The following CCDC97 variants were observed in gnomAD, a reference collection of about 807,000 sequenced individuals.
CCDC97 encodes coiled-coil domain containing 97, also known as coiled-coil domain-containing protein 97.
Under a neutral mutation model 33.9 loss-of-function variants are expected in CCDC97, and 27 were observed. That is an observed-to-expected ratio of 0.80 (90% CI 0.59 to 1.10). The LOEUF is 1.10. Among genes scored for constraint, CCDC97 ranks in the 50% least tolerant of loss-of-function variants. The pLI, the probability that CCDC97 is intolerant of heterozygous loss-of-function variation, is 0.00. For synonymous variants in CCDC97, 217 were observed against 194.0 expected, an observed-to-expected ratio of 1.12 and a Z score of -0.99; for missense variants, 422 against 476.6, an observed-to-expected ratio of 0.89 and a Z score of 1.07.
Position 41,320,489 on chromosome 19 carries a change from C to T in CCDC97, c.911+19C>T, listed in dbSNP as rs2037811665. 1 of 1,613,264 alleles carries T rather than the reference C, an allele frequency of 6.2e-7. No homozygotes were observed. Among genetic ancestry groups the T allele is most frequent in the Non-Finnish European group, 8.5e-7 (1 of 1,179,678 alleles). On this transcript the variant is annotated intron_variant, in intron 4 of 4. Transcript: ENST00000269967. ...ACTACAGGTGCTCCTGTGCCTCCACCTCCCCATCCCCCAGCCCAGCATCCC... is the reference window on the plus strand; with the variant it reads ...ACTACAGGTGCTCCTGTGCCTCCACTTCCCCATCCCCCAGCCCAGCATCCC...
At chr19:41,311,424 C>T (rs776888426) in intron 1 of CCDC97, among the ~76,000 whole-genome samples, 6 of 151,282 alleles carry the variant, frequency 4.0e-5, no homozygotes, top group Non-Finnish European at 7.4e-5. Flanking sequence ...AGCCAGACCC[C>T]ATCTCTACAA....
intron 2 of CCDC97, among the ~76,000 whole-genome samples, chr19:41,317,217 T>C (rs1286125024): frequency 3.9e-5 from 6 of 152,050 alleles, no homozygotes; most frequent in East Asian, 1.9e-4. Context: ...AAAAGGAGTA[T>C]GTACATGACC....
intron 4 of CCDC97, among the ~76,000 whole-genome samples, chr19:41,321,986 T>C (rs1440360774): frequency 6.6e-6 from 1 of 152,206 alleles, no homozygotes; most frequent in African/African-American, 2.4e-5. Flanking sequence ...AATGTCAAAA[T>C]GCCGTGGGGG....
At chr19:41,312,131 T>C (rs2037692976) in intron 1 of CCDC97, among the ~76,000 whole-genome samples, 1 of 152,330 alleles carries the variant, frequency 6.6e-6, no homozygotes, top group African/African-American at 2.4e-5. Context: ...TTGCCCAGGC[T>C]GGAGTGCAGT....
intron 1 of CCDC97, chr19:41,310,916 A>G: frequency 1.0e-6 from 1 of 979,118 alleles, no homozygotes; most frequent in Non-Finnish European, 1.2e-6. Flanking sequence ...CTTCAAAGTA[A>G]TCCGACGTCG....
intron 4 of CCDC97, 92 bp from the exon 5 acceptor site, chr19:41,322,503 T>C (rs1045359154): frequency 5.7e-6 from 8 of 1,403,234 alleles, no homozygotes; most frequent in Non-Finnish European, 7.8e-6. Flanking sequence ...TGCCAGCACA[T>C]GGCCTTTGAC....
chr19:41,316,424 C>T lies in CCDC97; in HGVS notation c.87C>T (p.Ser29=), dbSNP rs765278151. 22 of 1,613,790 alleles carry T rather than the reference C, an allele frequency of 1.4e-5. No homozygotes were observed. Among genetic ancestry groups the T allele is most frequent in the African/African-American group, 2.7e-5 (2 of 74,924 alleles). Residue 29 remains serine, a synonymous_variant, in exon 2 of 5, where the codon AGC becomes AGT. Coordinates refer to ENST00000269967, the MANE Select transcript of CCDC97 (RefSeq NM_052848.3). The part of the protein sequence containing the change: ...EPGPGHWGEL[S]RTPVPSKPQD... ...GACCTGGGCACTGGGGTGAGCTGAG[C>T]CGGACACCAGTCCCATCTAAACCCC...
intron 1 of CCDC97, among the ~76,000 whole-genome samples, 178 bp from the exon 2 acceptor site, chr19:41,316,206 C>T (rs1017845525): frequency 6.6e-6 from 1 of 152,192 alleles, no homozygotes; most frequent in African/African-American, 2.4e-5. Flanking sequence ...AATTATGTTG[C>T]TAATTGTTTG....
At position 41,320,324 on chromosome 19, in the gene CCDC97, C is replaced by T. The variant is rs1317760988; in HGVS notation, c.782-17C>T. 6.2e-7 allele frequency: 1 copy of T among 1,613,368 alleles called. No homozygotes were observed. The highest frequency in any genetic ancestry group is 2.2e-5 in the East Asian group (1 of 44,868). ...GAGTGCACCCGCATTCACACCCCCT[C>T]TCCTCTCCCTCTGCAGACCAGAGGT... On this transcript the variant is annotated splice_polypyrimidine_tract_variant and intron_variant, in intron 3 of 4. Coordinates refer to ENST00000269967, the MANE Select transcript of CCDC97 (RefSeq NM_052848.3).
At chr19:41,317,853 A>G (rs1283805991) in intron 2 of CCDC97, among the ~76,000 whole-genome samples, 2 of 151,912 alleles carry the variant, frequency 1.3e-5, no homozygotes, top group African/African-American at 4.8e-5. Context: ...GTTCCAGAGC[A>G]GCCTGGCCAA....
chr19:41,316,585 G>A lies in CCDC97; in HGVS notation c.248G>A (p.Gly83Asp). 1 of 1,614,252 alleles carries A rather than the reference G, an allele frequency of 6.2e-7. No homozygotes were observed. The highest frequency in any genetic ancestry group is 2.2e-5 in the East Asian group (1 of 44,896). Residue 83 changes from glycine (G) to aspartate (D), a missense_variant, in exon 2 of 5, where the codon GGT (glycine) becomes GAT (aspartate). By Grantham distance (94) the Gly-to-Asp change is moderately conservative. Coordinates refer to ENST00000269967, the MANE Select transcript of CCDC97 (RefSeq NM_052848.3). ...CTGCCTGTTTGCAGCCAGCAGCAGG[G>A]TGAACCCGACTTGACAGAGCATGAG... ...SRLPVCSQQQGEPDLTEHEKV... is the reference protein window; with the variant it reads ...SRLPVCSQQQDEPDLTEHEKV...
chr19:41,319,872 A>G lies in CCDC97; in HGVS notation c.781+20A>G, dbSNP rs778132621. 1.5e-5 allele frequency: 18 copies of G among 1,195,980 alleles called. No homozygotes were observed. The highest frequency in any genetic ancestry group is 1.9e-5 in the Non-Finnish European group (16 of 837,360). The allele number at this position is 1,195,980 out of a possible 1,614,324, so 74.1% of individuals were successfully genotyped here. On this transcript the variant is annotated intron_variant, in intron 3 of 4. Transcript: ENST00000269967. Reference sequence around the variant, plus strand: ...AGGAAGGTGAGGGCCAGTAGCAGGAAGACCCCAGATTCCAGACACCCCAGC... The same window carrying G: ...AGGAAGGTGAGGGCCAGTAGCAGGAGGACCCCAGATTCCAGACACCCCAGC...
chr19:41,310,458 A>C, intron 1 of CCDC97, 102 bp downstream of exon 1: 1 of 1,521,976 alleles, frequency 6.6e-7, no homozygotes, highest in Non-Finnish European at 8.8e-7. Flanking sequence ...TTAGGGGGAC[A>C]CCCACCCCCC....
intron 1 of CCDC97, among the ~76,000 whole-genome samples, chr19:41,313,697 C>T (rs2123053253): frequency 6.6e-6 from 1 of 152,234 alleles, no homozygotes; most frequent in East Asian, 1.9e-4. Context: ...CTCCGCTTTC[C>T]TGTTTTCTTT....
chr19:41,321,131 C>T (rs1399153541), intron 4 of CCDC97, among the ~76,000 whole-genome samples: 1 of 152,384 alleles, frequency 6.6e-6, no homozygotes, highest in Non-Finnish European at 1.5e-5. Flanking sequence ...GCGGACCCTA[C>T]GTCCGTCCTG....
At chr19:41,319,946 C>A in intron 3 of CCDC97, 94 bp downstream of exon 3, 1 of 655,196 alleles carries the variant, frequency 1.5e-6, no homozygotes, top group Non-Finnish European at 2.6e-6. Flanking sequence ...GGCCCCCAAC[C>A]TGCAAAAGCC....
chr19:41,322,810 C>T lies in CCDC97; in HGVS notation c.*95C>T, dbSNP rs981773743. The T allele has an allele frequency of 2.0e-5, 28 of 1,426,460 alleles. 1 individual carries two copies. Among genetic ancestry groups the T allele is most frequent in the African/African-American group, 1.1e-4 (8 of 70,862 alleles). The allele number at this position is 1,426,460 out of a possible 1,614,324, so 88.4% of individuals were successfully genotyped here. On this transcript the variant is annotated 3_prime_UTR_variant, in exon 5 of 5. Transcript: ENST00000269967. ...AGTGACCCTTTCTCTAGGGGGACAT[C>T]AGGGCAGTGCCCCACAACCCACACA...
intron 1 of CCDC97, among the ~76,000 whole-genome samples, chr19:41,311,730 C>CT (rs2037687545): frequency 6.6e-6 from 1 of 150,634 alleles, no homozygotes; most frequent in East Asian, 2.0e-4. Context: ...GAGCAAAACT[C>CT]TGTCTCAAAA....
Position 41,319,738 on chromosome 19 carries a change from TTGC to T in CCDC97, c.672_674del (p.Leu225del). 1 of 1,613,744 alleles carries T rather than the reference TTGC, an allele frequency of 6.2e-7. No homozygotes were observed. The highest frequency in any genetic ancestry group is 8.5e-7 in the Non-Finnish European group (1 of 1,179,830). Reference sequence around the variant, plus strand: ...GAGACCTGCTTGCCCGCTCTCCAACTTGCTGCTCCAGTCCTACGAGGAGCGGGA... The same window carrying T: ...GAGACCTGCTTGCCCGCTCTCCAACTTGCTCCAGTCCTACGAGGAGCGGGA... On this transcript the variant is annotated inframe_deletion, in exon 3 of 5. Transcript: ENST00000269967.
Sources: allele counts gnomAD v4.1 joint callset (sites outside exome capture counted in the v4.1 genomes callset), GRCh38; gene constraint gnomAD v4.1.1; transcripts MANE v1.5; gene names NCBI Gene and HGNC (gene_info 2026-07-23, HGNC 2026-07-21).